The following PHACTR4 variants were observed in gnomAD, a reference collection of about 807,000 sequenced individuals.
The protein encoded by PHACTR4 is protein phosphatase 1, regulatory subunit 124.
In PHACTR4, 51 loss-of-function variants were observed where a neutral mutation model predicts 72.7. That is an observed-to-expected ratio of 0.70 (90% confidence interval 0.56 to 0.89). PHACTR4 has a LOEUF of 0.89. Among genes scored for constraint, PHACTR4 ranks in the 40% least tolerant of loss-of-function variants. PHACTR4 has a pLI of 0.00. For synonymous variants in PHACTR4, 255 were observed against 302.5 expected (o/e 0.84, Z 1.63); for missense variants, 731 against 861.8 (o/e 0.85, Z 1.90).
intron 2 of PHACTR4, among the ~76,000 whole-genome samples, chr1:28,417,600 T>C (rs996069551): frequency 6.6e-6 from 1 of 152,140 alleles, no homozygotes; most frequent in African/African-American, 2.4e-5. Context: ...TGAGATTTCA[T>C]CATGATACTC....
intron 6 of PHACTR4, 46 bp from the exon 7 acceptor site, chr1:28,473,508 A>G: frequency 6.9e-7 from 1 of 1,439,038 alleles, no homozygotes; most frequent in African/African-American, 1.4e-5. Flanking sequence ...GGCCCTTCAA[A>G]GCATTGGAAA....
At position 28,473,931 on chromosome 1, in the gene PHACTR4, C is replaced by T; in HGVS notation, c.1201C>T (p.Gln401Ter). Reference sequence around the variant, plus strand: ...GGAAGTCCCCAAGAGGATACTGGACCAGAACTTTGGGGAGCCCCATATACC... The same window carrying T: ...GGAAGTCCCCAAGAGGATACTGGACTAGAACTTTGGGGAGCCCCATATACC... Reference protein sequence around the residue: ...KKEVPKRILDQNFGEPHIPSR... With the variant: ...KKEVPKRILD Residue 401 changes from glutamine (Q) to a stop codon, truncating the protein, a stop_gained, in exon 7 of 14, where the codon CAG becomes TAG. Transcript: ENST00000373839. LOFTEE classifies it high-confidence loss of function. 1 of 1,614,156 alleles carries T rather than the reference C, an allele frequency of 6.2e-7. No homozygotes were observed. The highest frequency in any genetic ancestry group is 8.5e-7 in the Non-Finnish European group (1 of 1,180,020).
At chr1:28,485,211 G>A (rs1165909873) in intron 9 of PHACTR4, among the ~76,000 whole-genome samples, 1 of 152,126 alleles carries the variant, frequency 6.6e-6, no homozygotes, top group East Asian at 1.9e-4. Flanking sequence ...GGGGTGATAG[G>A]GAGTTGCTAA....
At chr1:28,461,467 T>C (rs971940836) in intron 4 of PHACTR4, among the ~76,000 whole-genome samples, 1 of 152,112 alleles carries the variant, frequency 6.6e-6, no homozygotes, top group Admixed American at 6.6e-5. Context: ...TCATATCCTT[T>C]GAAGAATAGG....
chr1:28,481,745 G>A (rs559766538), intron 9 of PHACTR4, among the ~76,000 whole-genome samples: 17 of 150,540 alleles, frequency 1.1e-4, no homozygotes, highest in South Asian at 4.2e-4. Context: ...AGCTGAGATC[G>A]CGCCACTGTA....
chr1:28,489,560 T>G (rs1472279265), intron 10 of PHACTR4, among the ~76,000 whole-genome samples: 1 of 152,202 alleles, frequency 6.6e-6, no homozygotes, highest in Admixed American at 6.6e-5. Flanking sequence ...AGGAGGTAGC[T>G]GTGCATATGG....
chr1:28,403,547 ACTT>A (rs1196607014), intron 1 of PHACTR4, among the ~76,000 whole-genome samples: 2 of 152,190 alleles, frequency 1.3e-5, no homozygotes, highest in Non-Finnish European at 2.9e-5. Flanking sequence ...CAGATCTACT[ACTT>A]AAAAAACAAA....
intron 2 of PHACTR4, among the ~76,000 whole-genome samples, chr1:28,408,591 G>C (rs948893660): frequency 6.6e-6 from 1 of 151,756 alleles, no homozygotes; most frequent in Non-Finnish European, 1.5e-5. Context: ...TAACGTGGAA[G>C]TAATCATAAT....
chr1:28,488,182 C>A (rs1375023701), intron 9 of PHACTR4, among the ~76,000 whole-genome samples: 1 of 152,078 alleles, frequency 6.6e-6, no homozygotes, highest in Non-Finnish European at 1.5e-5. Flanking sequence ...TCCAGTGGTT[C>A]CTAAACCACT....
At chr1:28,471,959 C>T (rs1659585450) in intron 6 of PHACTR4, among the ~76,000 whole-genome samples, 3 of 151,938 alleles carry the variant, frequency 2.0e-5, no homozygotes, top group Admixed American at 2.0e-4. Context: ...CGACTGTAAT[C>T]CCAGCACTTT....
chr1:28,394,091 C>T (rs562884681), intron 1 of PHACTR4, among the ~76,000 whole-genome samples: 1 of 152,202 alleles, frequency 6.6e-6, no homozygotes, highest in Non-Finnish European at 1.5e-5. Flanking sequence ...GCACTGTTAT[C>T]ATAGGAGATG....
intron 2 of PHACTR4, among the ~76,000 whole-genome samples, chr1:28,456,171 T>C (rs184534922): frequency 2.7e-3 from 408 of 152,226 alleles, no homozygotes; most frequent in African/African-American, 9.5e-3. Flanking sequence ...AACATAATGC[T>C]TGCAACTGCC....
chr1:28,476,146 C>G lies in PHACTR4; in HGVS notation c.1461C>G (p.Ser487=). The G allele has an allele frequency of 6.2e-7, 1 of 1,612,772 alleles. No individual in the cohort carries two copies. Among genetic ancestry groups the G allele is most frequent in the South Asian group, 1.1e-5 (1 of 90,874 alleles). The change falls in exon 8 of 14, where the codon TCC becomes TCG. Residue 487 remains serine (S), a synonymous_variant. Coordinates refer to ENST00000373839, the MANE Select transcript of PHACTR4 (RefSeq NM_001048183.3). ...AAGAAGAGGAGCAAACCTGTCCATC[C>G]ACATTCAGTGAAGAAATGACACCTA... ...DEEEEEQTCP[S]TFSEEMTPTS...
rs1055734877 is a variant in PHACTR4 at position 28,385,703 on chromosome 1, G to A, written c.-39+15878G>A. 4.1e-5 allele frequency among the ~76,000 whole-genome samples: 6 copies of A among 145,370 alleles called. No individual in the cohort carries two copies. In the East Asian group the frequency reaches 6.4e-4, roughly 15 times the overall value. ...GCGATTCCAACTCACTGCAACCTCC[G>A]CTTCTGGGTTCAAGCGATTCTCATG... On this transcript the variant is annotated intron_variant, in intron 1 of 13. Coordinates refer to ENST00000373839, the MANE Select transcript of PHACTR4 (RefSeq NM_001048183.3).
chr1:28,393,413 T>C (rs779202452), intron 1 of PHACTR4, among the ~76,000 whole-genome samples: 27 of 152,294 alleles, frequency 1.8e-4, no homozygotes, highest in Admixed American at 1.0e-3. Context: ...CTTCTGTCAA[T>C]GCTGGACTGC....
chr1:28,491,504 G>A (rs1661035143), intron 11 of PHACTR4, 146 bp from the exon 12 acceptor site: 2 of 1,065,328 alleles, frequency 1.9e-6, no homozygotes, highest in Non-Finnish European at 2.8e-6. Flanking sequence ...ATAATCACTG[G>A]GGGTGGGACC....
At position 28,375,180 on chromosome 1, in the gene PHACTR4, T is replaced by A. The variant is rs1375534367; in HGVS notation, c.-39+5355T>A. ...TGGGGGTGGTGGCCCATGCCTGTAGTCTCAGTTACTTGGGAGGCTGAGGCA... is the reference window on the plus strand; with the variant it reads ...TGGGGGTGGTGGCCCATGCCTGTAGACTCAGTTACTTGGGAGGCTGAGGCA... On this transcript the variant is annotated intron_variant, in intron 1 of 13. Coordinates refer to ENST00000373839, the MANE Select transcript of PHACTR4 (RefSeq NM_001048183.3). Among the ~76,000 whole-genome samples, 3 of 152,130 alleles carry A rather than the reference T, an allele frequency of 2.0e-5. No individual in the cohort carries two copies. In the East Asian group the frequency reaches 5.8e-4, roughly 29 times the overall value.
intron 4 of PHACTR4, among the ~76,000 whole-genome samples, chr1:28,462,676 C>T (rs946189162): frequency 1.3e-5 from 2 of 152,060 alleles, no homozygotes; most frequent in African/African-American, 4.8e-5. Context: ...ATCTTTTGCC[C>T]TATACTTTCT....
intron 9 of PHACTR4, among the ~76,000 whole-genome samples, chr1:28,486,122 C>T (rs959586734): frequency 2.6e-5 from 4 of 151,686 alleles, no homozygotes; most frequent in Non-Finnish European, 4.4e-5. Flanking sequence ...TTTGGGAGGC[C>T]GAGGCAGGCA....
Sources: gnomAD v4.1 joint callset for allele counts (sites outside exome capture counted in the v4.1 genomes callset) on GRCh38, gnomAD v4.1.1 for gene constraint, MANE v1.5 for transcripts, NCBI Gene and HGNC (gene_info 2026-07-23, HGNC 2026-07-21) for gene names.